The following FGF12 variants were observed in gnomAD, a reference collection of about 807,000 sequenced individuals.
FGF12 encodes the protein fibroblast growth factor 12B.
A neutral mutation model predicts 23.6 loss-of-function variants in FGF12; 14 were observed. The observed-to-expected ratio is 0.59, with a 90% CI of 0.39 to 0.93. The LOEUF is 0.93. Among genes scored for constraint, FGF12 ranks in the 40% least tolerant of loss-of-function variants. The pLI, the probability that FGF12 is intolerant of heterozygous loss-of-function variation, is 0.00. For synonymous variants in FGF12, 62 were observed against 77.3 expected, an observed-to-expected ratio of 0.80 and a Z score of 1.04; for missense variants, 175 against 217.8, an observed-to-expected ratio of 0.80 and a Z score of 1.24.
At chr3:192,715,610 T>C (rs1023200109) in intron 2 of FGF12, among the ~76,000 whole-genome samples, 7 of 152,240 alleles carry the variant, frequency 4.6e-5, no homozygotes, top group African/African-American at 1.7e-4. Flanking sequence ...TAGGGGATAA[T>C]TGAAACCTTG....
chr3:192,671,062 G>C (rs1717095934), intron 2 of FGF12, among the ~76,000 whole-genome samples: 1 of 152,140 alleles, frequency 6.6e-6, no homozygotes, highest in South Asian at 2.1e-4. Flanking sequence ...CTTGGAAACT[G>C]GAATATCGTA....
intron 4 of FGF12, chr3:192,268,733 G>C (rs1231670110): frequency 2.2e-6 from 1 of 446,072 alleles, no homozygotes; most frequent in Admixed American, 2.4e-5. Context: ...CATGCTTCCT[G>C]TAAAACCTGC....
At chr3:192,648,482 AT>A (rs10575098) in intron 2 of FGF12, among the ~76,000 whole-genome samples, 12,885 of 148,632 alleles carry the variant, frequency 0.087, 662 homozygotes, top group South Asian at 0.2. Context: ...GACTATTTAG[AT>A]TTTTTTTTTT....
At chr3:192,279,230 G>GTATATATATATATATATATATATACATA (rs59504943) in intron 4 of FGF12, among the ~76,000 whole-genome samples, 1 of 131,922 alleles carries the variant, frequency 7.6e-6, no homozygotes, top group African/African-American at 3.1e-5. Flanking sequence ...TAATGTATGA[G>GTATATATATATATATATATATATACATA]TATATATATA....
intron 2 of FGF12, chr3:192,673,366 C>T (rs1490954396): frequency 1.3e-5 from 2 of 150,966 alleles, no homozygotes; most frequent in East Asian, 1.9e-4. Context: ...CATCCAGAAA[C>T]CTTTTCCTTT....
chr3:192,608,658 T>C (rs983225922), intron 2 of FGF12, among the ~76,000 whole-genome samples: 1 of 152,142 alleles, frequency 6.6e-6, no homozygotes, highest in Non-Finnish European at 1.5e-5. Context: ...AAACTCCTTC[T>C]GGCCTTCCGA....
intron 2 of FGF12, among the ~76,000 whole-genome samples, chr3:192,711,874 C>T (rs1432282374): frequency 6.6e-6 from 1 of 150,792 alleles, no homozygotes; most frequent in Admixed American, 6.6e-5. Flanking sequence ...TATCTGCTGA[C>T]CTTCCCTCCA....
At chr3:192,332,691 A>C (rs6809023) in intron 4 of FGF12, among the ~76,000 whole-genome samples, 10,510 of 152,116 alleles carry the variant, frequency 0.069, 1,128 homozygotes, top group African/African-American at 0.23. Flanking sequence ...GGTAAATGAC[A>C]CTAGATAAAT....
At chr3:192,157,968 G>C (rs183729896) in intron 5 of FGF12, among the ~76,000 whole-genome samples, 5 of 152,030 alleles carry the variant, frequency 3.3e-5, no homozygotes, top group African/African-American at 1.2e-4. Context: ...GAACAAAGAG[G>C]GTAACCTGTC....
intron 5 of FGF12, among the ~76,000 whole-genome samples, chr3:192,169,850 A>C (rs888290487): frequency 6.6e-6 from 1 of 151,694 alleles, no homozygotes; most frequent in African/African-American, 2.4e-5. Flanking sequence ...AAAAAAACAA[A>C]AAAGTTTATT....
intron 2 of FGF12, among the ~76,000 whole-genome samples, chr3:192,412,296 G>C (rs1721223108): frequency 6.6e-6 from 1 of 151,934 alleles, no homozygotes; most frequent in Admixed American, 6.6e-5. Context: ...AGATATGAGG[G>C]TGTGCTGGTG....
At chr3:192,490,635 A>G (rs1322650977) in intron 2 of FGF12, among the ~76,000 whole-genome samples, 1 of 152,076 alleles carries the variant, frequency 6.6e-6, no homozygotes, top group Non-Finnish European at 1.5e-5. Context: ...AAAAACCCCA[A>G]ACTGAAAACA....
Position 192,154,101 on chromosome 3 carries a change from C to G in FGF12, c.428-9974G>C, listed in dbSNP as rs185954396. Among the ~76,000 whole-genome samples, 351 of 117,740 alleles carry G rather than the reference C, an allele frequency of 3.0e-3. 31 individuals carry two copies. The highest frequency in any genetic ancestry group is 0.011 in the African/African-American group (339 of 31,222). The allele number at this position is 117,740 out of a possible 152,430, so 77.2% of individuals were successfully genotyped here. A position where few individuals can be genotyped will look rare whatever the true frequency, so the allele number is the denominator to read the frequency against. On this transcript the variant is annotated intron_variant, in intron 5 of 5. Transcript: ENST00000445105. ...TGCTGATACCCTTCTTCCAGTTGAT[C>G]GCATCGGCTCCTGAGGCTTCTGCAT...
At chr3:192,212,756 T>A (rs1347845420) in intron 4 of FGF12, among the ~76,000 whole-genome samples, 2 of 147,322 alleles carry the variant, frequency 1.4e-5, no homozygotes, top group African/African-American at 5.0e-5. Flanking sequence ...ATCTCTCATA[T>A]TTTCTTCTCA....
chr3:192,219,150 T>C (rs1718346308), intron 4 of FGF12, among the ~76,000 whole-genome samples: 1 of 152,166 alleles, frequency 6.6e-6, no homozygotes, highest in African/African-American at 2.4e-5. Context: ...AGTGGTGCAA[T>C]CTTGGCTCAC....
chr3:192,595,484 C>T (rs555768839), intron 2 of FGF12, among the ~76,000 whole-genome samples: 1 of 152,218 alleles, frequency 6.6e-6, no homozygotes, highest in African/African-American at 2.4e-5. Context: ...TGACTTATAC[C>T]TTGAGGTTTT....
chr3:192,396,483 A>G (rs1687271242), intron 2 of FGF12, among the ~76,000 whole-genome samples: 1 of 152,236 alleles, frequency 6.6e-6, no homozygotes, highest in South Asian at 2.1e-4. Context: ...TGTAGCAGTA[A>G]GGCATAGGCT....
intron 2 of FGF12, among the ~76,000 whole-genome samples, chr3:192,404,203 T>C (rs971844308): frequency 1.1e-4 from 16 of 152,142 alleles, no homozygotes; most frequent in African/African-American, 3.6e-4. Context: ...CTAAGTTATA[T>C]AGAAATATAA....
intron 2 of FGF12, among the ~76,000 whole-genome samples, chr3:192,513,541 T>G (rs1414937364): frequency 6.6e-6 from 1 of 152,190 alleles, no homozygotes; most frequent in Non-Finnish European, 1.5e-5. Flanking sequence ...GAAACCTACA[T>G]ATATTATAAT....
Sources: allele counts gnomAD v4.1 joint callset (sites outside exome capture counted in the v4.1 genomes callset), GRCh38; gene constraint gnomAD v4.1.1; transcripts MANE v1.5; gene names NCBI Gene and HGNC (gene_info 2026-07-23, HGNC 2026-07-21).